MTUS2: variants seen among roughly 807,000 people sequenced by gnomAD.
MTUS2 encodes the protein microtubule-associated tumor suppressor candidate 2.
MTUS2 carries 40 observed loss-of-function variants against 114.1 expected under a neutral mutation model. The observed-to-expected ratio is 0.35, with a 90% CI of 0.27 to 0.46. The LOEUF (loss-of-function observed/expected upper bound fraction) is 0.46, where lower values mean the gene tolerates loss of function less well. Ranked by LOEUF, MTUS2 falls within the 20% of genes least tolerant of loss-of-function variation. The pLI, the probability that MTUS2 is intolerant of heterozygous loss-of-function variation, is 1.00. For synonymous variants in MTUS2, 688 were observed against 672.0 expected (o/e 1.02, Z -0.37); for missense variants, 1,679 against 1,705.4 (o/e 0.98, Z 0.27).
At position 28,996,750 on chromosome 13, in the gene MTUS2, T is replaced by C. The variant is rs180867382; in HGVS notation, c.-242-27707T>C. 1.8e-3 allele frequency among the ~76,000 whole-genome samples: 273 copies of C among 152,346 alleles called. 1 individual carries two copies. Among genetic ancestry groups the C allele is most frequent in the African/African-American group, 6.3e-3 (260 of 41,574 alleles). ...ATGTGGTATTGGTGATGATATCCCC[T>C]TTGTCATTTTTTATTGCGTCTATTT... On this transcript the variant is annotated intron_variant, in intron 2 of 15. Coordinates refer to ENST00000612955, the MANE Select transcript of MTUS2 (RefSeq NM_001033602.4).
chr13:29,315,368 G>A (rs1899943877), intron 6 of MTUS2, among the ~76,000 whole-genome samples: 1 of 152,190 alleles, frequency 6.6e-6, no homozygotes, highest in African/African-American at 2.4e-5. Context: ...TGATGGGTAT[G>A]CTAGTTATCC....
chr13:29,372,436 T>C (rs1317444140), intron 8 of MTUS2, among the ~76,000 whole-genome samples: 2 of 152,136 alleles, frequency 1.3e-5, no homozygotes, highest in Non-Finnish European at 2.9e-5. Flanking sequence ...GATTTCTTGC[T>C]GCCCTAAATT....
At chr13:29,021,843 T>G (rs1022940532) in intron 2 of MTUS2, among the ~76,000 whole-genome samples, 1 of 152,206 alleles carries the variant, frequency 6.6e-6, no homozygotes, top group African/African-American at 2.4e-5. Context: ...ATCCCCTCTG[T>G]GTCAGGAAAT....
At chr13:28,937,688 T>A (rs1881983237) in intron 2 of MTUS2, among the ~76,000 whole-genome samples, 1 of 152,166 alleles carries the variant, frequency 6.6e-6, no homozygotes, top group South Asian at 2.1e-4. Context: ...TCTGGCCACT[T>A]TGGGACAGTG....
At chr13:29,465,632 C>T (rs1431536756) in intron 9 of MTUS2, among the ~76,000 whole-genome samples, 1 of 152,144 alleles carries the variant, frequency 6.6e-6, no homozygotes, top group Non-Finnish European at 1.5e-5. Context: ...CAACTTGTTG[C>T]TGTTTTTCCT....
At chr13:28,940,156 A>G (rs576645353) in intron 2 of MTUS2, among the ~76,000 whole-genome samples, 1 of 152,154 alleles carries the variant, frequency 6.6e-6, no homozygotes, top group Non-Finnish European at 1.5e-5. Flanking sequence ...ACAGAAACCT[A>G]TGTTTGTGCA....
chr13:28,930,277 T>C (rs865846742), intron 2 of MTUS2, among the ~76,000 whole-genome samples: 1 of 152,246 alleles, frequency 6.6e-6, no homozygotes, highest in Admixed American at 6.5e-5. Flanking sequence ...TCAGGCATAA[T>C]TGGTCATCGG....
At chr13:29,149,233 G>A (rs2139033206) in intron 5 of MTUS2, among the ~76,000 whole-genome samples, 1 of 152,234 alleles carries the variant, frequency 6.6e-6, no homozygotes, top group East Asian at 1.9e-4. Flanking sequence ...GGCATGAAAT[G>A]GTATCTCATT....
intron 5 of MTUS2, among the ~76,000 whole-genome samples, chr13:29,183,180 T>C (rs1287160187): frequency 6.6e-6 from 1 of 152,072 alleles, no homozygotes; most frequent in African/African-American, 2.4e-5. Flanking sequence ...GAGGAGATGG[T>C]AAGGAGCAGC....
intron 2 of MTUS2, among the ~76,000 whole-genome samples, chr13:28,979,377 C>T (rs1351324044): frequency 3.3e-5 from 5 of 152,218 alleles, no homozygotes; most frequent in East Asian, 1.9e-4. Context: ...ATTAACAATG[C>T]CTTTTCATCC....
rs182485289 is a variant in MTUS2 at position 29,290,531 on chromosome 13, C to T, written c.2806+8666C>T. On this transcript the variant is annotated intron_variant, in intron 6 of 15. Transcript: ENST00000612955. ...ATTTTTAGTAGAGACAGGGTTTCAC[C>T]GCATTAGCCAGGATGGTCTCGATCT... Among the ~76,000 whole-genome samples the T allele has an allele frequency of 2.8e-3, 419 of 152,216 alleles. 3 individuals are homozygous for T. The highest frequency in any genetic ancestry group is 9.6e-3 in the African/African-American group (398 of 41,532).
At chr13:29,342,269 C>G (rs1901440521) in intron 7 of MTUS2, among the ~76,000 whole-genome samples, 1 of 152,122 alleles carries the variant, frequency 6.6e-6, no homozygotes, top group Non-Finnish European at 1.5e-5. Flanking sequence ...AATATTGATT[C>G]TACCCATCCA....
intron 4 of MTUS2, among the ~76,000 whole-genome samples, chr13:29,073,147 C>T (rs772951287): frequency 2.6e-5 from 4 of 152,122 alleles, no homozygotes; most frequent in African/African-American, 4.8e-5. Context: ...TACAACACGA[C>T]CCAAACAGAA....
intron 8 of MTUS2, among the ~76,000 whole-genome samples, chr13:29,409,151 C>G (rs1875025652): frequency 6.6e-6 from 1 of 152,098 alleles, no homozygotes; most frequent in Admixed American, 6.5e-5. Flanking sequence ...GAAACCCTGT[C>G]TCTACTAAAA....
chr13:29,005,285 T>G (rs1260004797), intron 2 of MTUS2, among the ~76,000 whole-genome samples: 1 of 152,080 alleles, frequency 6.6e-6, no homozygotes, highest in African/African-American at 2.4e-5. Flanking sequence ...AGAGAGGGGC[T>G]TGGGAGTTCT....
intron 2 of MTUS2, among the ~76,000 whole-genome samples, chr13:28,983,295 G>A (rs1302620868): frequency 6.6e-6 from 1 of 152,138 alleles, no homozygotes; most frequent in Non-Finnish European, 1.5e-5. Context: ...CCTGCTACAT[G>A]CATTGTCATT....
At chr13:29,210,174 C>G (rs973427453) in intron 5 of MTUS2, among the ~76,000 whole-genome samples, 12 of 151,970 alleles carry the variant, frequency 7.9e-5, no homozygotes, top group African/African-American at 2.7e-4. Flanking sequence ...AAAGCCTTGT[C>G]TTCGAGCTCT....
At chr13:29,013,568 A>G (rs1342469722) in intron 2 of MTUS2, among the ~76,000 whole-genome samples, 3 of 152,230 alleles carry the variant, frequency 2.0e-5, no homozygotes, top group African/African-American at 7.2e-5. Flanking sequence ...TGTTTGACAG[A>G]TTTGAGTTTC....
chr13:29,028,576 C>T (rs1406452572), intron 3 of MTUS2, among the ~76,000 whole-genome samples: 1 of 151,798 alleles, frequency 6.6e-6, no homozygotes, highest in African/African-American at 2.4e-5. Flanking sequence ...TCCCAGTTAT[C>T]CAGATGGCTC....
Sources: gnomAD v4.1 joint callset for allele counts (sites outside exome capture counted in the v4.1 genomes callset) on GRCh38, gnomAD v4.1.1 for gene constraint, MANE v1.5 for transcripts, NCBI Gene and HGNC (gene_info 2026-07-23, HGNC 2026-07-21) for gene names.